Variants in SPAG4 observed in about 807,000 individuals in gnomAD.
The protein encoded by SPAG4 is sperm-associated antigen 4 protein.
SPAG4 carries 54 observed loss-of-function variants against 53.9 expected under a neutral mutation model. That is an observed-to-expected ratio of 1.00 (90% CI 0.80 to 1.26). The LOEUF (loss-of-function observed/expected upper bound fraction) is 1.26. SPAG4 is among the 50% of genes most tolerant of loss of function. The pLI is 0.00. For missense variants in SPAG4, 548 were observed against 568.6 expected (o/e 0.96, Z 0.37); for synonymous variants, 246 against 237.4 (o/e 1.04, Z -0.33).
chr20:35,620,677 C>A lies in SPAG4; in HGVS notation c.1078-7C>A. The A allele has an allele frequency of 7.5e-7, 1 of 1,330,744 alleles. No individual in the cohort carries two copies. Among genetic ancestry groups the A allele is most frequent in the Non-Finnish European group, 1.0e-6 (1 of 977,188 alleles). The allele number at this position is 1,330,744 out of a possible 1,614,324, so 82.4% of individuals were successfully genotyped here. On this transcript the variant is annotated splice_polypyrimidine_tract_variant and splice_region_variant and intron_variant, in intron 10 of 11. Transcript: ENST00000374273. ...CATAGTTCCTCCTTTCATTCTTCAC[C>A]CACCAGGGCCTCCAGGTTTATGATG...
Position 35,619,584 on chromosome 20 carries a change from C to T in SPAG4, c.915C>T (p.His305=), listed in dbSNP as rs772849707. The change falls in exon 10 of 12, where the codon CAC becomes CAT. Residue 305 remains histidine (H), a synonymous_variant. Coordinates refer to ENST00000374273, the MANE Select transcript of SPAG4 (RefSeq NM_003116.3). Reference sequence around the variant, plus strand: ...GTCCCTCCGCCCGCCTGCAGCCCCACGTGTTCCCTGGGAATTGCTGGGCTT... The same window carrying T: ...GTCCCTCCGCCCGCCTGCAGCCCCATGTGTTCCCTGGGAATTGCTGGGCTT... ...ARPPTVILEP[H]VFPGNCWAFE... The T allele has an allele frequency of 6.2e-7, 1 of 1,613,282 alleles. No homozygotes were observed. Among genetic ancestry groups the T allele is most frequent in the South Asian group, 1.1e-5 (1 of 91,020 alleles).
chr20:35,618,572 A>G (rs1372466920), intron 6 of SPAG4, 40 bp from the exon 7 acceptor site: 1 of 1,593,878 alleles, frequency 6.3e-7, no homozygotes, highest in South Asian at 1.1e-5. Context: ...GTCCAGGGGG[A>G]CAGGGAGCCA....
Position 35,617,217 on chromosome 20 carries a change from C to A in SPAG4, c.386C>A (p.Pro129Gln). Residue 129 changes from proline to glutamine, a missense_variant, in exon 2 of 12, where the codon CCG (proline) becomes CAG (glutamine). Pro to Gln is a moderately conservative substitution (Grantham distance 76). Coordinates refer to ENST00000374273, the MANE Select transcript of SPAG4 (RefSeq NM_003116.3). ...GATCTGAGGCAGGAGATGCCTCCCC[C>A]GCGGGTGTTCAAGAGCTTTCTGAGT... ...TLDLRQEMPP[P>Q]RVFKSFLSLL... The A allele has an allele frequency of 1.2e-6, 2 of 1,600,490 alleles. No homozygotes were observed. Among genetic ancestry groups the A allele is most frequent in the East Asian group, 2.3e-5 (1 of 44,256 alleles).
Position 35,615,926 on chromosome 20 carries a change from G to A in SPAG4, c.-78G>A, listed in dbSNP as rs1471748027. 2 of 1,446,924 alleles carry A rather than the reference G, an allele frequency of 1.4e-6. No homozygotes were observed. The highest frequency in any genetic ancestry group is 1.9e-6 in the Non-Finnish European group (2 of 1,073,706). 89.6% of individuals were successfully genotyped at this position (1,446,924 alleles called of 1,614,324 possible). ...GTCCGTGGGGTCCCCGCGGCGCGCA[G>A]CGGCTGAAGGAGGCCCCAGGGCCTT... On this transcript the variant is annotated 5_prime_UTR_variant, in exon 1 of 12. Transcript: ENST00000374273.
At chr20:35,617,660 G>A (rs2031433831) in intron 3 of SPAG4, 74 bp downstream of exon 3, 4 of 1,581,252 alleles carry the variant, frequency 2.5e-6, no homozygotes, top group African/African-American at 2.7e-5. Flanking sequence ...GAACCTTGCT[G>A]GCGCTTGAGC....
chr20:35,620,017 T>C (rs984992633), intron 10 of SPAG4, among the ~76,000 whole-genome samples: 21 of 152,218 alleles, frequency 1.4e-4, no homozygotes, highest in Non-Finnish European at 1.3e-4. Context: ...CCCAGGCTGC[T>C]GGAGTGCAGT....
At chr20:35,618,543 G>T (rs568726564) in intron 6 of SPAG4, 68 bp downstream of exon 6, 3 of 1,603,958 alleles carry the variant, frequency 1.9e-6, no homozygotes, top group Non-Finnish European at 2.6e-6. Context: ...CCTTGAAGGC[G>T]TGGGGGCCTT....
rs767374074 is a variant in SPAG4 at position 35,619,636 on chromosome 20, A to C, written c.967A>C (p.Ile323Leu). ...TGAAGGCGACCAAGGCCAGGTGGTG[A>C]TCCAACTGCCGGGCCGAGTGCAGCT... ...AFEGDQGQVVIQLPGRVQLSD... is the reference protein window; with the variant it reads ...AFEGDQGQVVLQLPGRVQLSD... Residue 323 changes from isoleucine to leucine, a missense_variant, in exon 10 of 12, where the codon ATC becomes CTC. Coordinates refer to ENST00000374273, the MANE Select transcript of SPAG4 (RefSeq NM_003116.3). The C allele has an allele frequency of 6.2e-7, 1 of 1,613,946 alleles. No individual in the cohort carries two copies. The highest frequency in any genetic ancestry group is 8.5e-7 in the Non-Finnish European group (1 of 1,179,992).
chr20:35,620,656 G>T, intron 10 of SPAG4, 28 bp from the exon 11 acceptor site: 3 of 549,650 alleles, frequency 5.5e-6, no homozygotes, highest in Non-Finnish European at 6.1e-6. Context: ...CCCCCTCATA[G>T]TTCCTCCTTT....
intron 7 of SPAG4, 22 bp from the exon 8 acceptor site, chr20:35,618,901 G>A (rs1282415346): frequency 6.2e-7 from 1 of 1,611,978 alleles, no homozygotes; most frequent in Non-Finnish European, 8.5e-7. Flanking sequence ...GCCCCTCCAG[G>A]CCTCGCCCTC....
intron 10 of SPAG4, 44 bp downstream of exon 10, chr20:35,619,790 A>G (rs761990022): frequency 4.4e-6 from 7 of 1,574,586 alleles, no homozygotes; most frequent in Non-Finnish European, 6.1e-6. Context: ...TTGCCTAGAG[A>G]GCCCAAGCAG....
Position 35,621,062 on chromosome 20 carries a change from G to A in SPAG4, c.*40G>A. 6.2e-7 allele frequency: 1 copy of A among 1,604,240 alleles called. No homozygotes were observed. The highest frequency in any genetic ancestry group is 8.5e-7 in the Non-Finnish European group (1 of 1,171,922). The stretch of plus-strand genomic sequence containing the variant: ...GGAGTAGAATTGAGTTCTGCTGAAG[G>A]ATACTGGATCAGTGCTTTCGGGGGC... On this transcript the variant is annotated 3_prime_UTR_variant, in exon 12 of 12. Transcript: ENST00000374273.
chr20:35,619,942 C>T (rs1454466879), intron 10 of SPAG4, among the ~76,000 whole-genome samples, 196 bp downstream of exon 10: 2 of 152,088 alleles, frequency 1.3e-5, no homozygotes, highest in African/African-American at 4.8e-5. Flanking sequence ...GCACTTACTC[C>T]GTGCCAAGCA....
In SPAG4 at chr20:35,615,887, C is replaced by G. The variant is rs956194154; in HGVS notation, c.-117C>G. ...GGGCAGGTGCGGCCGCGGGGCCTGCCGACTTCACGCAGGGTCCGTGGGGTC... is the reference window on the plus strand; with the variant it reads ...GGGCAGGTGCGGCCGCGGGGCCTGCGGACTTCACGCAGGGTCCGTGGGGTC... On this transcript the variant is annotated 5_prime_UTR_variant, in exon 1 of 12. Transcript: ENST00000374273. The G allele has an allele frequency of 7.4e-5, 73 of 986,252 alleles. No individual in the cohort carries two copies. Among genetic ancestry groups the G allele is most frequent in the Non-Finnish European group, 9.6e-5 (67 of 695,524 alleles). The allele number at this position is 986,252 out of a possible 1,614,324, so 61.1% of individuals were successfully genotyped here.
Position 35,619,274 on chromosome 20 carries a change from C to T in SPAG4, c.873C>T (p.Phe291=). 1 of 1,614,134 alleles carries T rather than the reference C, an allele frequency of 6.2e-7. No individual in the cohort carries two copies. The highest frequency in any genetic ancestry group is 8.5e-7 in the Non-Finnish European group (1 of 1,180,006). Residue 291 remains phenylalanine, a synonymous_variant, in exon 9 of 12, where the codon TTC becomes TTT. Coordinates refer to ENST00000374273, the MANE Select transcript of SPAG4 (RefSeq NM_003116.3). The part of the protein sequence containing the change: ...NTAYFWNRFS[F]WNYARPPTVI... ...CCTACTTCTGGAATCGCTTCAGCTT[C>T]TGGAACTACGCACGGCCGCCCACGG... is the stretch of plus-strand genomic sequence containing the variant.
In SPAG4 at chr20:35,616,185, C is replaced by G; in HGVS notation, c.182C>G (p.Ala61Gly). 6.3e-7 allele frequency: 1 copy of G among 1,592,502 alleles called. No individual in the cohort carries two copies. Among genetic ancestry groups the G allele is most frequent in the Non-Finnish European group, 8.5e-7 (1 of 1,170,960 alleles). ...RARGPSCGEP[A>G]LSAGVPGGTT... ...CGGGGCCCGAGCTGCGGTGAGCCCG[C>G]CTTGAGCGCGGGAGTGCCCGGAGGA... is the stretch of plus-strand genomic sequence containing the variant. The change falls in exon 1 of 12, where the codon GCC becomes GGC. Residue 61 changes from alanine (A) to glycine (G), a missense_variant. Ala to Gly is a moderately conservative substitution (Grantham distance 60). Transcript: ENST00000374273.
chr20:35,617,943 C>T, intron 4 of SPAG4, 103 bp downstream of exon 4: 1 of 1,383,208 alleles, frequency 7.2e-7, no homozygotes, highest in South Asian at 1.2e-5. Flanking sequence ...CTGGCATTCC[C>T]CTGCAGAACC....
At position 35,619,716 on chromosome 20, in the gene SPAG4, C is replaced by G. The variant is rs1187404703; in HGVS notation, c.1047C>G (p.Ala349=). Residue 349 remains alanine (A), a synonymous_variant, in exon 10 of 12, where the codon GCC becomes GCG. Transcript: ENST00000374273. The part of the protein sequence containing the change: ...PPPSVEHTGG[A]NSAPRDFAVF... ...CCAGCGTGGAGCACACCGGAGGAGC[C>G]AACAGCGCCCCCCGCGATTTCGCGG... 6 of 1,611,236 alleles carry G rather than the reference C, an allele frequency of 3.7e-6. No homozygotes were observed. The highest frequency in any genetic ancestry group is 4.2e-6 in the Non-Finnish European group (5 of 1,178,004).
chr20:35,619,246 C>T lies in SPAG4; in HGVS notation c.845C>T (p.Thr282Ile), dbSNP rs78427006. Residue 282 changes from threonine to isoleucine, a missense_variant, in exon 9 of 12, where the codon ACT becomes ATT. Physicochemically the swap from Thr to Ile is moderately conservative, Grantham distance 89 (BLOSUM62 -1). Coordinates refer to ENST00000374273, the MANE Select transcript of SPAG4 (RefSeq NM_003116.3). ...KTSHDYADRNTAYFWNRFSFW... is the reference protein window; with the variant it reads ...KTSHDYADRNIAYFWNRFSFW... ...TCCCACGATTACGCAGACAGGAACA[C>T]TGCCTACTTCTGGAATCGCTTCAGC... 4.1e-4 allele frequency: 660 copies of T among 1,614,064 alleles called. 4 individuals are homozygous for T. The African/African-American group carries it at 8.0e-3, about 19-fold the overall frequency.
Sources: gnomAD v4.1 joint callset for allele counts (sites outside exome capture counted in the v4.1 genomes callset) on GRCh38, gnomAD v4.1.1 for gene constraint, MANE v1.5 for transcripts, NCBI Gene and HGNC (gene_info 2026-07-23, HGNC 2026-07-21) for gene names.